Variants in ENKUR observed in about 807,000 individuals in gnomAD.
The protein encoded by ENKUR is enkurin, TRPC channel interacting protein.
In ENKUR, 19 loss-of-function variants were observed where a neutral mutation model predicts 27.6. The observed-to-expected ratio is 0.69, with a 90% CI of 0.48 to 1.01. The LOEUF is 1.01. ENKUR is among the 50% of genes least tolerant of loss of function. The probability of loss-of-function intolerance (pLI) is 0.00; values close to 1 mark genes in which losing one functional copy is unlikely to be tolerated. For missense variants in ENKUR, 312 were observed against 310.5 expected (o/e 1.00, Z -0.04); for synonymous variants, 117 against 96.9 (o/e 1.21, Z -1.22).
chr10:24,997,807 T>TTATATATATA (rs58973955), intron 2 of ENKUR, among the ~76,000 whole-genome samples: 5 of 144,890 alleles, frequency 3.5e-5, no homozygotes, highest in African/African-American at 1.1e-4. Context: ...CACAAAGGAT[T>TTATATATATA]TATATATATA....
intron 2 of ENKUR, among the ~76,000 whole-genome samples, chr10:25,033,825 GTCTATC>G (rs1850965380): frequency 6.7e-6 from 1 of 148,620 alleles, no homozygotes; most frequent in African/African-American, 2.5e-5. Context: ...GTGTGTGTGT[GTCTATC>G]TATCTATCTA....
At chr10:25,007,676 C>T (rs1358811473) in intron 1 of ENKUR, among the ~76,000 whole-genome samples, 1 of 152,048 alleles carries the variant, frequency 6.6e-6, no homozygotes, top group African/African-American at 2.4e-5. Flanking sequence ...CCTCATGACC[C>T]GCCTGCCTCG....
intron 4 of ENKUR, among the ~76,000 whole-genome samples, chr10:24,987,857 C>T (rs1159843712): frequency 6.6e-6 from 1 of 152,072 alleles, no homozygotes; most frequent in Non-Finnish European, 1.5e-5. Flanking sequence ...TTGCTCTGTA[C>T]AGTATCCCTC....
At chr10:25,005,458 T>C (rs896122062) in intron 1 of ENKUR, among the ~76,000 whole-genome samples, 1 of 151,936 alleles carries the variant, frequency 6.6e-6, no homozygotes, top group Non-Finnish European at 1.5e-5. Context: ...AAGTGCTTAA[T>C]TGAGATTTTT....
upstream of ENKUR, among the ~76,000 whole-genome samples, chr10:25,017,528 TTTAG>T (rs112012563): frequency 0.02 from 3,078 of 152,226 alleles, 85 homozygotes; most frequent in African/African-American, 0.068. Context: ...TGGTGAACCT[TTTAG>T]TTCCTGTATA....
chr10:25,027,130 G>A (rs1850867549), intron 2 of ENKUR, among the ~76,000 whole-genome samples: 1 of 151,606 alleles, frequency 6.6e-6, no homozygotes, highest in Non-Finnish European at 1.5e-5. Context: ...TGAGGCAGGC[G>A]GATCACCTGA....
At chr10:25,047,771 C>CT (rs908346233) in intron 2 of ENKUR, among the ~76,000 whole-genome samples, 1 of 152,056 alleles carries the variant, frequency 6.6e-6, no homozygotes, top group African/African-American at 2.4e-5. Context: ...TTTTTATAGT[C>CT]TTTTTTAGCA....
intron 2 of ENKUR, among the ~76,000 whole-genome samples, chr10:25,030,070 C>G (rs1407154234): frequency 6.6e-6 from 1 of 152,114 alleles, no homozygotes; most frequent in Non-Finnish European, 1.5e-5. Flanking sequence ...TTGAAGATTT[C>G]CCCTCTTGAG....
intron 1 of ENKUR, among the ~76,000 whole-genome samples, chr10:25,003,149 C>T (rs1326501261): frequency 2.6e-5 from 4 of 151,734 alleles, no homozygotes; most frequent in Admixed American, 2.0e-4. Flanking sequence ...AATTCAATTT[C>T]AGTGTTTCTT....
At chr10:25,050,799 A>T (rs1279474602) in intron 2 of ENKUR, among the ~76,000 whole-genome samples, 5 of 152,192 alleles carry the variant, frequency 3.3e-5, no homozygotes, top group Non-Finnish European at 7.3e-5. Flanking sequence ...GGGAATGTCT[A>T]TGAGACCTAC....
intron 3 of ENKUR, among the ~76,000 whole-genome samples, chr10:24,993,438 A>G (rs535237863): frequency 1.3e-3 from 199 of 152,236 alleles, no homozygotes; most frequent in Non-Finnish European, 2.5e-3. Context: ...TTAGACTTTG[A>G]AAGAATGTCT....
chr10:25,003,715 T>C (rs1850246997), intron 1 of ENKUR, among the ~76,000 whole-genome samples: 1 of 152,204 alleles, frequency 6.6e-6, no homozygotes, highest in African/African-American at 2.4e-5. Context: ...CATGTGCAGA[T>C]TTGTTATATA....
chr10:25,048,679 C>T (rs1444707997), intron 2 of ENKUR, among the ~76,000 whole-genome samples: 3 of 152,010 alleles, frequency 2.0e-5, no homozygotes, highest in East Asian at 1.9e-4. Flanking sequence ...TCTCAGATAG[C>T]TGTTCTCAGC....
chr10:25,007,371 A>T (rs1243896115), intron 1 of ENKUR, among the ~76,000 whole-genome samples: 1 of 152,180 alleles, frequency 6.6e-6, no homozygotes, highest in Non-Finnish European at 1.5e-5. Context: ...AATGCCAGAG[A>T]GGTGTGCTAA....
intron 1 of ENKUR, 60 bp from the exon 2 acceptor site, chr10:24,999,606 T>A (rs1258760613): frequency 7.2e-7 from 1 of 1,397,288 alleles, no homozygotes; most frequent in Non-Finnish European, 9.9e-7. Context: ...ACCTAAAGTT[T>A]ACTTAAAGTT....
At chr10:25,056,771 A>G (rs78191497) in intron 2 of ENKUR, among the ~76,000 whole-genome samples, 20 of 152,316 alleles carry the variant, frequency 1.3e-4, no homozygotes, top group African/African-American at 4.8e-4. Flanking sequence ...GTGTCATATC[A>G]TTGGGGTGTC....
intron 2 of ENKUR, among the ~76,000 whole-genome samples, chr10:25,030,724 T>G (rs1850924746): frequency 6.6e-6 from 1 of 152,206 alleles, no homozygotes; most frequent in Non-Finnish European, 1.5e-5. Context: ...TTGAATTTCT[T>G]TTTCCTATCT....
At chr10:25,013,400 C>T (rs894597052) in intron 1 of ENKUR, among the ~76,000 whole-genome samples, 1 of 152,220 alleles carries the variant, frequency 6.6e-6, no homozygotes, top group African/African-American at 2.4e-5. Context: ...GAATCAGCTA[C>T]ATAATTAGAG....
intron 1 of ENKUR, among the ~76,000 whole-genome samples, chr10:25,007,373 G>T (rs1034340186): frequency 9.2e-5 from 14 of 152,144 alleles, no homozygotes; most frequent in African/African-American, 2.9e-4. Flanking sequence ...TGCCAGAGAG[G>T]TGTGCTAATG....
Sources: gnomAD v4.1 joint callset for allele counts (sites outside exome capture counted in the v4.1 genomes callset) on GRCh38, gnomAD v4.1.1 for gene constraint, MANE v1.5 for transcripts, NCBI Gene and HGNC (gene_info 2026-07-23, HGNC 2026-07-21) for gene names.